PITPNB: variants seen among roughly 807,000 people sequenced by gnomAD.
The protein encoded by PITPNB is phosphatidylinositol transfer protein beta isoform.
In PITPNB, 16 loss-of-function variants were observed where a neutral mutation model predicts 45.9. The ratio of observed to expected loss-of-function variants is 0.35; its 90% CI spans 0.24 to 0.53. The LOEUF is 0.53. Among genes scored for constraint, PITPNB ranks in the 20% least tolerant of loss-of-function variants. The pLI is 0.93. For synonymous variants in PITPNB, 112 were observed against 108.9 expected (o/e 1.03, Z -0.18); for missense variants, 188 against 330.5 (o/e 0.57, Z 3.34).
At chr22:27,861,970 G>A (rs1822190992) in intron 8 of PITPNB, among the ~76,000 whole-genome samples, 1 of 152,100 alleles carries the variant, frequency 6.6e-6, no homozygotes. Flanking sequence ...CAACACGACG[G>A]GGACCCCTTT....
chr22:27,867,633 G>A (rs901297479), intron 8 of PITPNB, among the ~76,000 whole-genome samples: 1 of 152,164 alleles, frequency 6.6e-6, no homozygotes, highest in African/African-American at 2.4e-5. Context: ...GATTACTCCA[G>A]GAGTGACACT....
intron 3 of PITPNB, among the ~76,000 whole-genome samples, chr22:27,899,889 G>C (rs16985700): frequency 0.044 from 6,714 of 152,144 alleles, 234 homozygotes; most frequent in South Asian, 0.11. Flanking sequence ...TCTATCAATG[G>C]TTCAGCTGGT....
intron 5 of PITPNB, 137 bp downstream of exon 5, chr22:27,896,993 G>C (rs940399896): frequency 1.4e-6 from 1 of 733,952 alleles, no homozygotes; most frequent in Non-Finnish European, 2.5e-6. Flanking sequence ...GTGGTAGAGT[G>C]TGGCGGCTGG....
At chr22:27,888,232 CAT>C (rs770127033) in intron 7 of PITPNB, among the ~76,000 whole-genome samples, 13 of 152,214 alleles carry the variant, frequency 8.5e-5, no homozygotes, top group East Asian at 1.9e-4. Context: ...AACTCCATCA[CAT>C]GAGTGTGCCA....
At chr22:27,918,748 G>C (rs894585518) in intron 1 of PITPNB, among the ~76,000 whole-genome samples, 4 of 152,158 alleles carry the variant, frequency 2.6e-5, no homozygotes, top group African/African-American at 9.7e-5. Context: ...GTTACCAGGG[G>C]ACTCCACCCC....
At chr22:27,855,007 G>A (rs1934131060) in intron 10 of PITPNB, 68 bp from the exon 11 acceptor site, 2 of 1,068,304 alleles carry the variant, frequency 1.9e-6, no homozygotes, top group Admixed American at 1.8e-5. Context: ...AGCAAGGGGA[G>A]AAAAAAGATC....
rs200377706 is a variant in PITPNB, at chr22:27,855,720, T to C, written c.769-781A>G. 1.8e-3 allele frequency among the ~76,000 whole-genome samples: 267 copies of C among 152,350 alleles called. 1 individual carries two copies. Among genetic ancestry groups the C allele is most frequent in the East Asian group, 0.014 (75 of 5,182 alleles). On this transcript the variant is annotated intron_variant, in intron 10 of 11. Transcript: ENST00000335272. ...CTCCAGGGCAGTTCCCTGCAGATCA[T>C]AGGCAGGGGCATTCCTCGTGTGCCT... is the stretch of plus-strand genomic sequence containing the variant.
At chr22:27,854,113 G>A (rs994023978) in intron 11 of PITPNB, among the ~76,000 whole-genome samples, 20 of 152,002 alleles carry the variant, frequency 1.3e-4, no homozygotes, top group Admixed American at 1.2e-3. Flanking sequence ...CACAGTGGAG[G>A]GAGGGGAGTG....
rs943353619 is a variant in PITPNB at position 27,856,412 on chromosome 22, A to C, written c.769-1473T>G. Reference sequence around the variant, plus strand: ...GGTGAGAGCAAGAGTCACCAGCTCCACAGCGGAGGGTCACAGCGTGTTGAG... The same window carrying C: ...GGTGAGAGCAAGAGTCACCAGCTCCCCAGCGGAGGGTCACAGCGTGTTGAG... On this transcript the variant is annotated intron_variant, in intron 10 of 11. Transcript: ENST00000335272. Among the ~76,000 whole-genome samples the C allele has an allele frequency of 1.3e-4, 20 of 152,358 alleles. 1 individual carries two copies. Among genetic ancestry groups the C allele is most frequent in the Admixed American group, 1.3e-3 (20 of 15,304 alleles).
intron 3 of PITPNB, among the ~76,000 whole-genome samples, chr22:27,903,467 CAAAAAAAAAA>C (rs71194750): frequency 1.2e-5 from 1 of 81,308 alleles, no homozygotes; most frequent in East Asian, 3.4e-4. Context: ...GAAACTGTCT[CAAAAAAAAAA>C]AAAAAAAAGA....
At chr22:27,867,909 T>A (rs961850009) in intron 8 of PITPNB, among the ~76,000 whole-genome samples, 6 of 152,188 alleles carry the variant, frequency 3.9e-5, no homozygotes, top group African/African-American at 1.4e-4. Context: ...TTTTTTGGTA[T>A]CTTCTGTAGG....
chr22:27,880,425 G>A (rs974494813), intron 7 of PITPNB, among the ~76,000 whole-genome samples: 2 of 152,108 alleles, frequency 1.3e-5, no homozygotes, highest in African/African-American at 4.8e-5. Flanking sequence ...GCCATGAGCT[G>A]CTCAAAAACA....
At chr22:27,876,340 G>A (rs5762393) in intron 7 of PITPNB, among the ~76,000 whole-genome samples, 88,895 of 152,090 alleles carry the variant, frequency 0.58, 28,619 homozygotes, top group African/African-American at 0.86. Context: ...ACATATGTAT[G>A]TATGAAATGA....
chr22:27,861,024 GAAAAAAAAAA>G (rs35013749), intron 8 of PITPNB, among the ~76,000 whole-genome samples: 4 of 57,832 alleles, frequency 6.9e-5, no homozygotes, highest in South Asian at 6.7e-4. Flanking sequence ...CCCATTTCTG[GAAAAAAAAAA>G]AAAAAAAAAA....
At chr22:27,895,790 GA>G (rs1935414696) in intron 6 of PITPNB, among the ~76,000 whole-genome samples, 3 of 152,116 alleles carry the variant, frequency 2.0e-5, no homozygotes, top group Admixed American at 6.5e-5. Flanking sequence ...TCAGAAAACA[GA>G]AACTGCTGAG....
chr22:27,854,237 A>ATT (rs200320101), intron 11 of PITPNB, among the ~76,000 whole-genome samples: 4,638 of 144,044 alleles, frequency 0.032, 114 homozygotes, highest in South Asian at 0.12. Flanking sequence ...GGAGATTTTG[A>ATT]TTTTTTTTTT....
At chr22:27,888,413 T>A (rs1935185092) in intron 7 of PITPNB, among the ~76,000 whole-genome samples, 1 of 152,252 alleles carries the variant, frequency 6.6e-6, no homozygotes, top group South Asian at 2.1e-4. Context: ...ACAGTTCCAC[T>A]AATTTACATT....
At chr22:27,903,219 C>T (rs1301994566) in intron 3 of PITPNB, among the ~76,000 whole-genome samples, 3 of 151,864 alleles carry the variant, frequency 2.0e-5, no homozygotes, top group Non-Finnish European at 2.9e-5. Context: ...CCTATAATCC[C>T]AGCACTTTAG....
intron 7 of PITPNB, among the ~76,000 whole-genome samples, chr22:27,883,384 T>C (rs1027068570): frequency 6.6e-6 from 1 of 152,258 alleles, no homozygotes; most frequent in African/African-American, 2.4e-5. Flanking sequence ...GAGGGGAATA[T>C]TGTTGGACCA....
Sources: gnomAD v4.1 joint callset for allele counts (sites outside exome capture counted in the v4.1 genomes callset) on GRCh38, gnomAD v4.1.1 for gene constraint, MANE v1.5 for transcripts, NCBI Gene and HGNC (gene_info 2026-07-23, HGNC 2026-07-21) for gene names.